GRIN2B: variants seen among roughly 807,000 people sequenced by gnomAD.
GRIN2B encodes the protein glutamate receptor ionotropic, NMDA 2B.
A neutral mutation model predicts 114.5 loss-of-function variants in GRIN2B; 5 were observed. The ratio of observed to expected loss-of-function variants is 0.04; its 90% CI spans 0.02 to 0.09. GRIN2B has a LOEUF of 0.09. GRIN2B is among the 10% of genes least tolerant of loss of function. The pLI is 1.00. For synonymous variants in GRIN2B, 787 were observed against 745.1 expected, an observed-to-expected ratio of 1.06 and a Z score of -0.92; for missense variants, 1,108 against 1,943.5, an observed-to-expected ratio of 0.57 and a Z score of 8.08.
rs554331037 is a variant in GRIN2B at position 13,771,559 on chromosome 12, G to A, written c.412-17644C>T. ...TACTTAGCTGTGTGATCTTTGAAAG[G>A]TTATTTACCATATCCAAACCTCATT... On this transcript the variant is annotated intron_variant, in intron 3 of 13. Coordinates refer to ENST00000609686, the MANE Select transcript of GRIN2B (RefSeq NM_000834.5). 6.9e-4 allele frequency among the ~76,000 whole-genome samples: 105 copies of A among 152,224 alleles called. 4 individuals carry two copies. In the South Asian group the frequency reaches 0.021, roughly 31 times the overall value.
intron 4 of GRIN2B, among the ~76,000 whole-genome samples, chr12:13,723,580 G>A (rs1035809611): frequency 6.6e-6 from 1 of 152,070 alleles, no homozygotes; most frequent in African/African-American, 2.4e-5. Context: ...TTAGAAATCA[G>A]TTTCTCAAGA....
At chr12:13,919,969 G>T (rs77713984) in intron 2 of GRIN2B, among the ~76,000 whole-genome samples, 4,179 of 152,188 alleles carry the variant, frequency 0.027, 204 homozygotes, top group African/African-American at 0.094. Context: ...ACACCACAAA[G>T]CCTTGCCATC....
At chr12:13,626,183 C>A (rs1381109228) in intron 5 of GRIN2B, among the ~76,000 whole-genome samples, 2 of 152,168 alleles carry the variant, frequency 1.3e-5, no homozygotes, top group Non-Finnish European at 2.9e-5. Context: ...AAACTGGGTC[C>A]CAAACCATCT....
intron 5 of GRIN2B, among the ~76,000 whole-genome samples, chr12:13,645,083 A>G (rs1403086027): frequency 6.6e-6 from 1 of 152,144 alleles, no homozygotes; most frequent in Non-Finnish European, 1.5e-5. Context: ...GTTTTGTACA[A>G]GAGACCTAGC....
At chr12:13,720,272 T>A (rs968741491) in intron 4 of GRIN2B, among the ~76,000 whole-genome samples, 1 of 152,028 alleles carries the variant, frequency 6.6e-6, no homozygotes, top group African/African-American at 2.4e-5. Context: ...AGCAGTCTTT[T>A]TCTTACATCC....
chr12:13,827,825 G>A (rs1375917380), intron 3 of GRIN2B, among the ~76,000 whole-genome samples: 1 of 152,046 alleles, frequency 6.6e-6, no homozygotes, highest in African/African-American at 2.4e-5. Flanking sequence ...GGAACTACAG[G>A]CGCATGCCAC....
chr12:13,560,667 TA>T lies in GRIN2B; in HGVS notation c.*2115del, dbSNP rs1373958497. On this transcript the variant is annotated 3_prime_UTR_variant, in exon 14 of 14. Coordinates refer to ENST00000609686, the MANE Select transcript of GRIN2B (RefSeq NM_000834.5). The stretch of plus-strand genomic sequence containing the variant: ...TCTCAGTCTTTTCTGTTATCTAAGG[TA>T]AAGCACTCCGTGCTCCTCTCACCAA... The T allele has an allele frequency of 1.3e-5, 2 of 152,232 alleles. No individual in the cohort carries two copies. The highest frequency in any genetic ancestry group is 3.9e-4 in the East Asian group (2 of 5,176). 9.4% of individuals were successfully genotyped at this position (152,232 alleles called of 1,614,324 possible). A position where few individuals can be genotyped will look rare whatever the true frequency, so the allele number is the denominator to read the frequency against.
chr12:13,921,272 C>G (rs543688120), intron 2 of GRIN2B, among the ~76,000 whole-genome samples: 40 of 152,170 alleles, frequency 2.6e-4, no homozygotes, highest in South Asian at 1.7e-3. Flanking sequence ...GTGGTGCAGA[C>G]CTGTAGTCCC....
intron 2 of GRIN2B, among the ~76,000 whole-genome samples, chr12:13,933,486 C>T (rs932913750): frequency 3.3e-5 from 5 of 152,194 alleles, no homozygotes; most frequent in Non-Finnish European, 7.3e-5. Flanking sequence ...TACGGTCCTA[C>T]CTGAATATCC....
At chr12:13,572,454 T>C (rs914541248) in intron 10 of GRIN2B, among the ~76,000 whole-genome samples, 1 of 152,188 alleles carries the variant, frequency 6.6e-6, no homozygotes, top group Non-Finnish European at 1.5e-5. Context: ...ATTTGTTGAG[T>C]ATCAAATATG....
rs540107361 is a variant in GRIN2B at position 13,892,190 on chromosome 12, G to A, written c.-18-25964C>T. On this transcript the variant is annotated intron_variant, in intron 2 of 13. Transcript: ENST00000609686. ...GAAATTTCATAGGTGAAACACAACC[G>A]TCCCAAAGAACCAAGGTGAGATCCT... 1.2e-4 allele frequency among the ~76,000 whole-genome samples: 19 copies of A among 152,118 alleles called. No individual in the cohort carries two copies. In the East Asian group the frequency reaches 2.1e-3, roughly 17 times the overall value.
intron 4 of GRIN2B, among the ~76,000 whole-genome samples, chr12:13,737,680 G>A (rs1863210324): frequency 6.6e-6 from 1 of 152,164 alleles, no homozygotes; most frequent in Non-Finnish European, 1.5e-5. Flanking sequence ...TAGAGAGATA[G>A]GTGGATGAGT....
intron 3 of GRIN2B, among the ~76,000 whole-genome samples, chr12:13,800,077 A>T (rs561311817): frequency 2.1e-4 from 32 of 152,226 alleles, no homozygotes; most frequent in African/African-American, 5.5e-4. Context: ...CCTCAAACCC[A>T]ACCGATGTGT....
At position 13,564,331 on chromosome 12, in the gene GRIN2B, C is replaced by T. The variant is rs199536073; in HGVS notation, c.2907G>A (p.Thr969=). Residue 969 remains threonine (T), a synonymous_variant, in exon 14 of 14, where the codon ACG becomes ACA. Transcript: ENST00000609686. The surrounding 1 kb of genome is among the most constrained non-coding windows in gnomAD (Gnocchi z 4.8). ...TGTCCTTCAGCTGCAGGTTCCCGAACGTTCTCTCTACCTCACTGATGTAGT... is the reference window on the plus strand; with the variant it reads ...TGTCCTTCAGCTGCAGGTTCCCGAATGTTCTCTCTACCTCACTGATGTAGT... ...FSDYISEVER[T]FGNLQLKDSN... The T allele has an allele frequency of 3.1e-6, 5 of 1,614,084 alleles. No individual in the cohort carries two copies. The highest frequency in any genetic ancestry group is 3.3e-5 in the Admixed American group (2 of 60,008).
intron 4 of GRIN2B, among the ~76,000 whole-genome samples, chr12:13,746,014 G>A (rs1306614336): frequency 1.3e-5 from 2 of 151,832 alleles, no homozygotes; most frequent in African/African-American, 4.8e-5. Context: ...ATTCTGCTGG[G>A]AGGAGGGAGA....
At chr12:13,619,286 A>G (rs1035273988) in intron 5 of GRIN2B, among the ~76,000 whole-genome samples, 4 of 152,254 alleles carry the variant, frequency 2.6e-5, no homozygotes, top group African/African-American at 7.2e-5. Context: ...GCAATTGCAC[A>G]GTATCAAAAA....
At chr12:13,891,113 G>A (rs963829749) in intron 2 of GRIN2B, among the ~76,000 whole-genome samples, 3 of 152,142 alleles carry the variant, frequency 2.0e-5, no homozygotes, top group Non-Finnish European at 4.4e-5. Flanking sequence ...TTTGTGCAAT[G>A]CCCTGGATAC....
chr12:13,653,241 G>A (rs192182684), intron 5 of GRIN2B, among the ~76,000 whole-genome samples: 5 of 152,202 alleles, frequency 3.3e-5, no homozygotes, highest in Admixed American at 3.3e-4. Context: ...CGATACAAGA[G>A]GAGAAGCATG....
At chr12:13,699,092 T>C (rs1201491428) in intron 4 of GRIN2B, among the ~76,000 whole-genome samples, 1 of 152,234 alleles carries the variant, frequency 6.6e-6, no homozygotes, top group Non-Finnish European at 1.5e-5. Context: ...ATGACAACTA[T>C]ATAAAAGTAA....
Sources: gnomAD v4.1 joint callset for allele counts (sites outside exome capture counted in the v4.1 genomes callset) on GRCh38, gnomAD v4.1.1 for gene constraint, Gnocchi (gnomAD v3.1) non-coding constraint, MANE v1.5 for transcripts, NCBI Gene and HGNC (gene_info 2026-07-23, HGNC 2026-07-21) for gene names.